The following SMYD4 variants were observed in gnomAD, a reference collection of about 807,000 sequenced individuals.
SMYD4 encodes the protein protein-lysine N-methyltransferase SMYD4.
Under a neutral mutation model 72.8 loss-of-function variants are expected in SMYD4, and 68 were observed. The observed-to-expected ratio is 0.93, with a 90% CI of 0.77 to 1.14. The LOEUF is 1.14. Ranked by LOEUF, SMYD4 falls within the 50% of genes most tolerant of loss-of-function variation. The probability of loss-of-function intolerance (pLI) is 0.00; values close to 1 mark genes in which losing one functional copy is unlikely to be tolerated. For synonymous variants in SMYD4, 407 were observed against 388.6 expected, an observed-to-expected ratio of 1.05 and a Z score of -0.56; for missense variants, 984 against 1,003.7, an observed-to-expected ratio of 0.98 and a Z score of 0.27.
chr17:1,787,236 T>G (rs755322901), intron 6 of SMYD4, among the ~76,000 whole-genome samples, 186 bp downstream of exon 6: 2 of 152,204 alleles, frequency 1.3e-5, no homozygotes, highest in Non-Finnish European at 2.9e-5. Context: ...TTAGCCGCAA[T>G]AGGGCCCTAG....
At position 1,787,854 on chromosome 17, in the gene SMYD4, G is replaced by A. The variant is rs1441640294; in HGVS notation, c.1538-250C>T. Among the ~76,000 whole-genome samples the A allele has an allele frequency of 5.3e-5, 8 of 152,154 alleles. 1 individual carries two copies. Among genetic ancestry groups the A allele is most frequent in the South Asian group, 4.1e-4 (2 of 4,828 alleles). On this transcript the variant is annotated intron_variant, in intron 5 of 10. Transcript: ENST00000305513. ...CCTAACGACTGTGTCTCTACACCAC[G>A]AAATAGCCAAAGATAAGAACTTATA...
Position 1,827,972 on chromosome 17 carries a change from C to T in SMYD4, c.23G>A (p.Trp8Ter). ...CCACTTTTGAAGCAGATATGATTTC[C>T]ATTCATCCACAGGCAGATCCATGCT... MDLPVDE[W>*]KSYLLQKWAS... is the part of the protein sequence containing the mutation. Residue 8 changes from tryptophan to a stop codon, truncating the protein, a stop_gained, in exon 2 of 11, where the codon TGG (tryptophan) becomes TAG (stop). Coordinates refer to ENST00000305513, the MANE Select transcript of SMYD4 (RefSeq NM_052928.3). LOFTEE classifies it high-confidence loss of function. 6.2e-7 allele frequency: 1 copy of T among 1,613,030 alleles called. No homozygotes were observed.
Sources: allele counts gnomAD v4.1 joint callset (sites outside exome capture counted in the v4.1 genomes callset), GRCh38; gene constraint gnomAD v4.1.1; transcripts MANE v1.5; gene names NCBI Gene and HGNC (gene_info 2026-07-23, HGNC 2026-07-21).